PCDHA1: variants seen among roughly 807,000 people sequenced by gnomAD.
PCDHA1 encodes the protein protocadherin alpha 1.
Under a neutral mutation model 61.3 loss-of-function variants are expected in PCDHA1, and 42 were observed. That is an observed-to-expected ratio of 0.69 (90% CI 0.54 to 0.89). The LOEUF is 0.89. Ranked by LOEUF, PCDHA1 falls within the 40% of genes least tolerant of loss-of-function variation. PCDHA1 has a pLI of 0.00. For synonymous variants in PCDHA1, 610 were observed against 553.8 expected, an observed-to-expected ratio of 1.10 and a Z score of -1.43; for missense variants, 1,256 against 1,235.3, an observed-to-expected ratio of 1.02 and a Z score of -0.25.
At position 140,786,742 on chromosome 5, in the gene PCDHA1, G is replaced by GT; in HGVS notation, c.456dup (p.Pro153SerfsTer7). 1 of 1,614,206 alleles carries GT rather than the reference G, an allele frequency of 6.2e-7. No homozygotes were observed. The highest frequency in any genetic ancestry group is 1.3e-5 in the African/African-American group (1 of 75,040). On this transcript the variant is annotated frameshift_variant, in exon 1 of 4. Coordinates refer to ENST00000504120, the MANE Select transcript of PCDHA1 (RefSeq NM_018900.4). LOFTEE classifies it high-confidence loss of function. The stretch of plus-strand genomic sequence containing the variant: ...CCTGAATCTAGACTCCTGAATTCGC[G>GT]TTTTCCGATAGAAGGAGCTGCTGAT...
chr5:140,933,999 C>T (rs1399268046), intron 1 of PCDHA1, among the ~76,000 whole-genome samples: 2 of 152,050 alleles, frequency 1.3e-5, no homozygotes, highest in South Asian at 2.1e-4. Context: ...TGTCACCTCT[C>T]ATTTTTCTTG....
intron 3 of PCDHA1, among the ~76,000 whole-genome samples, chr5:141,003,475 G>A (rs934289848): frequency 2.0e-5 from 3 of 151,932 alleles, no homozygotes; most frequent in Non-Finnish European, 2.9e-5. Flanking sequence ...CCACAGTCTC[G>A]CTAATTTTTA....
intron 1 of PCDHA1, among the ~76,000 whole-genome samples, chr5:140,918,373 C>A (rs1459758959): frequency 6.6e-6 from 1 of 152,056 alleles, no homozygotes; most frequent in Non-Finnish European, 1.5e-5. Context: ...TATTTGGATG[C>A]CTTTTATTTC....
chr5:140,941,341 G>A (rs1413393487), intron 1 of PCDHA1, among the ~76,000 whole-genome samples: 1 of 119,412 alleles, frequency 8.4e-6, no homozygotes, highest in African/African-American at 3.2e-5. Flanking sequence ...TTTTCAGATG[G>A]AGTCTTGCTC....
Position 140,853,518 on chromosome 5 carries a change from C to A in PCDHA1, c.2394+64834C>A. On this transcript the variant is annotated intron_variant, in intron 1 of 3. Coordinates refer to ENST00000504120, the MANE Select transcript of PCDHA1 (RefSeq NM_018900.4). ...AGAATCATGAAACAATAATGAAGCT[C>A]CTCCTATGTCTCTTTTCAAGTTGTA... 2.0e-6 allele frequency: 2 copies of A among 976,172 alleles called. 1 individual carries two copies. 60.5% of individuals were successfully genotyped at this position (976,172 alleles called of 1,614,324 possible).
chr5:140,807,043 C>T (rs1763834966), intron 1 of PCDHA1: 2 of 988,186 alleles, frequency 2.0e-6, no homozygotes, highest in African/African-American at 3.2e-5. Flanking sequence ...AGGGAAAATT[C>T]CTTCTATTCT....
At position 140,933,976 on chromosome 5, in the gene PCDHA1, A is replaced by G. The variant is rs1359426492; in HGVS notation, c.2395-44973A>G. ...ATCTGTAGTGATGTTTCCCTTTTCA[A>G]TCCTGGTGTTAGTGTCACCTCTCAT... On this transcript the variant is annotated intron_variant, in intron 1 of 3. Coordinates refer to ENST00000504120, the MANE Select transcript of PCDHA1 (RefSeq NM_018900.4). Among the ~76,000 whole-genome samples, 3 of 151,666 alleles carry G rather than the reference A, an allele frequency of 2.0e-5. No homozygotes were observed. The East Asian group carries it at 5.8e-4, about 29-fold the overall frequency.
chr5:140,974,832 T>C (rs114216401), intron 1 of PCDHA1, among the ~76,000 whole-genome samples: 60 of 152,346 alleles, frequency 3.9e-4, no homozygotes, highest in African/African-American at 1.4e-3. Context: ...ATAATGATTA[T>C]TTTAAATGTT....
chr5:140,829,371 CG>C (rs1770257793), intron 1 of PCDHA1: 9 of 1,614,198 alleles, frequency 5.6e-6, no homozygotes, highest in Non-Finnish European at 6.8e-6. Flanking sequence ...GTGGTAACCG[CG>C]CGGGACGGGG....
At chr5:140,881,333 G>A (rs1554171980) in intron 1 of PCDHA1, 1 of 984,778 alleles carries the variant, frequency 1.0e-6, no homozygotes, top group Admixed American at 6.1e-5. Context: ...TAACCAGGAC[G>A]CCGATTCGGG....
chr5:140,869,205 C>G, intron 1 of PCDHA1: 1 of 1,613,994 alleles, frequency 6.2e-7, no homozygotes. Flanking sequence ...TCCACTACTC[C>G]GTCTCGGAGG....
chr5:140,829,791 C>T (rs782412294), intron 1 of PCDHA1: 2 of 1,613,788 alleles, frequency 1.2e-6, no homozygotes, highest in South Asian at 2.2e-5. Context: ...GCGCTGCTGG[C>T]GCCTCGGGTG....
chr5:140,848,337 CAA>C, intron 1 of PCDHA1: 2 of 873,308 alleles, frequency 2.3e-6, no homozygotes, highest in Non-Finnish European at 3.6e-6. Flanking sequence ...TGAATCCAGA[CAA>C]ATACAGCCCT....
chr5:141,006,067 A>G (rs1202024176), intron 3 of PCDHA1, among the ~76,000 whole-genome samples: 4 of 151,950 alleles, frequency 2.6e-5, no homozygotes, highest in Admixed American at 6.6e-5. Flanking sequence ...AGAAATAAAA[A>G]TCAGATTATT....
At chr5:140,882,367 C>G in intron 1 of PCDHA1, 22 of 1,614,228 alleles carry the variant, frequency 1.4e-5, no homozygotes, top group Non-Finnish European at 1.7e-5. Flanking sequence ...AGCTCCACTA[C>G]TCCGTCCCCG....
rs1769592683 is a variant in PCDHA1 at position 140,828,186 on chromosome 5, A to G, written c.2394+39502A>G. 3.1e-6 allele frequency: 5 copies of G among 1,614,002 alleles called. No individual in the cohort carries two copies. In the South Asian group the frequency reaches 3.3e-5, roughly 11 times the overall value. On this transcript the variant is annotated intron_variant, in intron 1 of 3. Coordinates refer to ENST00000504120, the MANE Select transcript of PCDHA1 (RefSeq NM_018900.4). ...TGGAAGGTGGGGAGCGGCCAGCTCC[A>G]CTACTCCGTACCCGAGGAGGCCAAA... is the stretch of plus-strand genomic sequence containing the variant.
In PCDHA1 at chr5:141,011,003, C is replaced by T. The variant is rs748731648; in HGVS notation, c.*1066C>T. ...ATTGCCTGAAACATCTGTATTATAT[C>T]GGCCACCTGCCAATCACAGCTTTAC... On this transcript the variant is annotated 3_prime_UTR_variant, in exon 4 of 4. Coordinates refer to ENST00000504120, the MANE Select transcript of PCDHA1 (RefSeq NM_018900.4). 1 of 153,706 alleles carries T rather than the reference C, an allele frequency of 6.5e-6. No individual in the cohort carries two copies. The highest frequency in any genetic ancestry group is 2.1e-4 in the South Asian group (1 of 4,816). 9.5% of individuals were successfully genotyped at this position (153,706 alleles called of 1,614,324 possible).
intron 1 of PCDHA1, chr5:140,843,436 C>A (rs2150359840): frequency 1.9e-6 from 3 of 1,596,080 alleles, no homozygotes; most frequent in East Asian, 2.2e-5. Flanking sequence ...TCGCCATCTG[C>A]GCGGTATCCA....
At chr5:140,802,835 C>T in intron 1 of PCDHA1, 1 of 1,613,570 alleles carries the variant, frequency 6.2e-7, no homozygotes, top group Non-Finnish European at 8.5e-7. Context: ...CGCCTCTGGG[C>T]AGCAACGTGA....
Sources: allele counts gnomAD v4.1 joint callset (sites outside exome capture counted in the v4.1 genomes callset), GRCh38; gene constraint gnomAD v4.1.1; transcripts MANE v1.5; gene names NCBI Gene and HGNC (gene_info 2026-07-23, HGNC 2026-07-21).